FLII: variants seen among roughly 807,000 people sequenced by gnomAD.
FLII encodes the protein protein flightless-1 homolog.
In FLII, 101 loss-of-function variants were observed where a neutral mutation model predicts 156.2. That is an observed-to-expected ratio of 0.65 (90% CI 0.55 to 0.76). The LOEUF (loss-of-function observed/expected upper bound fraction) is 0.76, where lower values mean the gene tolerates loss of function less well. FLII is among the 30% of genes least tolerant of loss of function. FLII has a pLI of 0.00. For missense variants in FLII, 1,675 were observed against 1,682.8 expected (o/e 1.00, Z 0.08); for synonymous variants, 767 against 685.8 (o/e 1.12, Z -1.85).
chr17:18,256,574 G>A lies in FLII; in HGVS notation c.198C>T (p.Asn66=), dbSNP rs1219067252. ...QKLEHLSVSH[N]NLTTLHGELS... ...GCTCCCCATGAAGCGTGGTCAGGTT[G>A]TTGTGGCTCACAGACAAGTGTTCCT... is the stretch of plus-strand genomic sequence containing the variant. Residue 66 remains asparagine (N), a synonymous_variant, in exon 3 of 30, where the codon AAC becomes AAT. Coordinates refer to ENST00000327031, the MANE Select transcript of FLII (RefSeq NM_002018.4). 5.2e-6 allele frequency: 8 copies of A among 1,551,724 alleles called. No homozygotes were observed. The highest frequency in any genetic ancestry group is 7.0e-6 in the Non-Finnish European group (8 of 1,147,026).
At chr17:18,246,542 C>G in intron 23 of FLII, 52 bp downstream of exon 23, 1 of 1,610,996 alleles carries the variant, frequency 6.2e-7, no homozygotes, top group Non-Finnish European at 8.5e-7. Context: ...TGGGTCTGAG[C>G]CCCACCACAC....
In FLII at chr17:18,245,964, G is replaced by A; in HGVS notation, c.3366C>T (p.Asn1122=). The change falls in exon 26 of 30, where the codon AAC becomes AAT. Residue 1122 remains asparagine (N), a synonymous_variant. Transcript: ENST00000327031. ...DEAKLAEDIL[N]TMFDTSYSKQ... ...TGCTGTAGGAGGTGTCAAACATGGT[G>A]TTCAGGATGTCTTCTGCCAACTTGG... 6.2e-7 allele frequency: 1 copy of A among 1,614,098 alleles called. No individual in the cohort carries two copies.
chr17:18,250,918 CAGCGTGGATGGCAGAGCA>C lies in FLII; in HGVS notation c.1678_1695del (p.Cys560_Ala565del). ...GCACCCAGGTAGTTGCGCAAGTTGA[CAGCGTGGATGGCAGAGCA>C]AGCTTTCTTGTCGAGTGTGGCCTCC... is the stretch of plus-strand genomic sequence containing the variant. On this transcript the variant is annotated inframe_deletion, in exon 14 of 30. Transcript: ENST00000327031. 3 of 1,614,066 alleles carry C rather than the reference CAGCGTGGATGGCAGAGCA, an allele frequency of 1.9e-6. No homozygotes were observed. The highest frequency in any genetic ancestry group is 2.5e-6 in the Non-Finnish European group (3 of 1,180,010).
chr17:18,258,533 G>A lies in FLII; in HGVS notation c.63+95C>T. The A allele has an allele frequency of 6.6e-7, 1 of 1,515,330 alleles. No homozygotes were observed. The highest frequency in any genetic ancestry group is 8.8e-7 in the Non-Finnish European group (1 of 1,138,576). 93.9% of individuals were successfully genotyped at this position (1,515,330 alleles called of 1,614,324 possible). A position where few individuals can be genotyped will look rare whatever the true frequency, so the allele number is the denominator to read the frequency against. On this transcript the variant is annotated intron_variant, in intron 1 of 29. Transcript: ENST00000327031. The surrounding 1 kb of genome is among the most constrained non-coding windows in gnomAD (Gnocchi z 4.2). ...GGCCGCAGTCCCTGGGACACGCAGG[G>A]CCTGGAGCCGAGCGGGACAGGAAGC...
intron 3 of FLII, among the ~76,000 whole-genome samples, chr17:18,255,784 T>C (rs931519237): frequency 1.3e-5 from 2 of 152,230 alleles, no homozygotes; most frequent in Non-Finnish European, 2.9e-5. Context: ...GCCCCGCCAC[T>C]TCTCCAGTCT....
intron 9 of FLII, 40 bp from the exon 10 acceptor site, chr17:18,252,596 A>C (rs1410547754): frequency 1.3e-6 from 2 of 1,554,940 alleles, no homozygotes; most frequent in Non-Finnish European, 1.8e-6. Flanking sequence ...GGCAGGTGAC[A>C]GACAAGGGGA....
intron 11 of FLII, 61 bp from the exon 12 acceptor site, chr17:18,251,877 C>A: frequency 1.2e-6 from 2 of 1,609,324 alleles, no homozygotes; most frequent in African/African-American, 1.3e-5. Context: ...GGGCATGCGA[C>A]CAACCAGGGG....
rs1380178091 is a variant in FLII, at chr17:18,247,667, G to A, written c.2477C>T (p.Thr826Ile). ...AAGCTGCAAGCGCACCTGCGCCTCG[G>A]TGCCCTCGAGGCTGCGGCTGACCGT... ...HATVSRSLEG[T>I]EAQVFKAKFK... The change falls in exon 20 of 30, where the codon ACC (threonine) becomes ATC (isoleucine). Residue 826 changes from threonine (T) to isoleucine (I), a missense_variant. Around this residue, in one of 2 missense-constraint regions of FLII, gnomAD observed 1,332 missense variants for 1,269.3 expected, o/e 1.05. Transcript: ENST00000327031. 1.3e-6 allele frequency: 2 copies of A among 1,589,788 alleles called. No homozygotes were observed. Among genetic ancestry groups the A allele is most frequent in the East Asian group, 4.5e-5 (2 of 44,584 alleles).
intron 5 of FLII, 22 bp downstream of exon 5, chr17:18,254,747 C>T: frequency 1.9e-6 from 3 of 1,614,048 alleles, no homozygotes; most frequent in Non-Finnish European, 2.5e-6. Flanking sequence ...CACCTGCCCC[C>T]TGCCCCCCAC....
chr17:18,257,324 G>C (rs1420315059), intron 1 of FLII: 1 of 362,802 alleles, frequency 2.8e-6, no homozygotes, highest in African/African-American at 2.1e-5. Context: ...GGTTAGCTCG[G>C]CTCAAATTCC....
intron 15 of FLII, 40 bp from the exon 16 acceptor site, chr17:18,249,241 G>A: frequency 6.2e-7 from 1 of 1,610,710 alleles, no homozygotes. Context: ...AGGCACCAAG[G>A]GCCTAACTTA....
Position 18,252,654 on chromosome 17 carries a change from C to T in FLII, c.1014-98G>A, listed in dbSNP as rs929518431. 3.4e-5 allele frequency: 31 copies of T among 924,052 alleles called. No individual in the cohort carries two copies. In the African/African-American group the frequency reaches 5.0e-4, roughly 15 times the overall value. 57.2% of individuals were successfully genotyped at this position (924,052 alleles called of 1,614,324 possible). A position where few individuals can be genotyped will look rare whatever the true frequency, so the allele number is the denominator to read the frequency against. ...CCTGGGGAGGGGAGGCAGGTAGGGT[C>T]AGAGGAACTGGCGGGGGTCTCCATT... On this transcript the variant is annotated intron_variant, in intron 9 of 29. Coordinates refer to ENST00000327031, the MANE Select transcript of FLII (RefSeq NM_002018.4).
At chr17:18,248,156 C>A in intron 18 of FLII, 123 bp from the exon 19 acceptor site, 1 of 656,306 alleles carries the variant, frequency 1.5e-6, no homozygotes, top group South Asian at 1.9e-5. Context: ...CTGTTTCCCC[C>A]TCCCCTTCAA....
intron 11 of FLII, 31 bp downstream of exon 11, chr17:18,251,968 C>A: frequency 6.2e-7 from 1 of 1,606,840 alleles, no homozygotes. Flanking sequence ...AGAGGAGCCC[C>A]CGTTCCCAGG....
In FLII at chr17:18,258,395, C is replaced by T; in HGVS notation, c.63+233G>A. The T allele has an allele frequency of 7.8e-7, 1 of 1,282,638 alleles. No individual in the cohort carries two copies. Among genetic ancestry groups the T allele is most frequent in the Non-Finnish European group, 1.1e-6 (1 of 944,936 alleles). 79.5% of individuals were successfully genotyped at this position (1,282,638 alleles called of 1,614,324 possible). A position where few individuals can be genotyped will look rare whatever the true frequency, so the allele number is the denominator to read the frequency against. On this transcript the variant is annotated intron_variant, in intron 1 of 29. Coordinates refer to ENST00000327031, the MANE Select transcript of FLII (RefSeq NM_002018.4). The surrounding 1 kb of genome is among the most constrained non-coding windows in gnomAD (Gnocchi z 4.2). ...GCTCCCGGCCGGGCCCCCGGCGGGA[C>T]TCCGAGCCCAAGCGTCCGTCCCCGG...
Position 18,247,252 on chromosome 17 carries a change from G to C in FLII, c.2593C>G (p.Arg865Gly), listed in dbSNP as rs750418958. 2 of 1,609,364 alleles carry C rather than the reference G, an allele frequency of 1.2e-6. No individual in the cohort carries two copies. Among genetic ancestry groups the C allele is most frequent in the Non-Finnish European group, 1.7e-6 (2 of 1,179,742 alleles). Reference protein sequence around the residue: ...QSPGLSGKVKRDAEKKDQMKA... With the variant: ...QSPGLSGKVKGDAEKKDQMKA... ...ATCTGGTCTTTCTTCTCGGCGTCGC[G>C]TTTCACCTTCCCGGAGAGACCCGGG... The change falls in exon 21 of 30, where the codon CGC (arginine) becomes GGC (glycine). Residue 865 changes from arginine (R) to glycine (G), a missense_variant. By Grantham distance (125) the Arg-to-Gly change is moderately radical. This residue lies in a region of FLII where 1,332 missense variants were observed against 1,269.3 expected (regional missense o/e 1.05). Coordinates refer to ENST00000327031, the MANE Select transcript of FLII (RefSeq NM_002018.4).
At position 18,251,450 on chromosome 17, in the gene FLII, C is replaced by A; in HGVS notation, c.1411G>T (p.Gly471Trp). The change falls in exon 13 of 30, where the codon GGG becomes TGG. Residue 471 changes from glycine (G) to tryptophan (W), a missense_variant. Around this residue, in one of 2 missense-constraint regions of FLII, gnomAD observed 1,332 missense variants for 1,269.3 expected, o/e 1.05. Coordinates refer to ENST00000327031, the MANE Select transcript of FLII (RefSeq NM_002018.4). ...EESADARAPSGKVRRWDQGLE... is the reference protein window; with the variant it reads ...EESADARAPSWKVRRWDQGLE... ...CCCTGGTCCCAACGCCGCACCTTCC[C>A]GCTGGGGGCCCGGGCATCTGCGCTC... is the stretch of plus-strand genomic sequence containing the variant. 1 of 1,608,772 alleles carries A rather than the reference C, an allele frequency of 6.2e-7. No homozygotes were observed. Among genetic ancestry groups the A allele is most frequent in the Non-Finnish European group, 8.5e-7 (1 of 1,177,212 alleles).
chr17:18,246,484 G>A, intron 23 of FLII, 22 bp from the exon 24 acceptor site: 2 of 1,613,454 alleles, frequency 1.2e-6, no homozygotes, highest in Non-Finnish European at 1.7e-6. Context: ...GAAGTGTTAG[G>A]GGCAGCTCCC....
At chr17:18,248,924 G>A in intron 16 of FLII, 41 bp from the exon 17 acceptor site, 1 of 1,550,976 alleles carries the variant, frequency 6.4e-7, no homozygotes, top group Non-Finnish European at 8.9e-7. Flanking sequence ...ATGGTGCATG[G>A]GGCAATGGTC....
Sources: allele counts gnomAD v4.1 joint callset (sites outside exome capture counted in the v4.1 genomes callset), GRCh38; gene constraint gnomAD v4.1.1; regional missense constraint gnomAD v4.1.1; non-coding constraint Gnocchi (gnomAD v3.1); transcripts MANE v1.5; gene names NCBI Gene and HGNC (gene_info 2026-07-23, HGNC 2026-07-21).